The following TSTD2 variants were observed in gnomAD, a reference collection of about 807,000 sequenced individuals.
TSTD2 encodes thiosulfate sulfurtransferase/rhodanese-like domain-containing protein 2.
A neutral mutation model predicts 47.9 loss-of-function variants in TSTD2; 37 were observed. The ratio of observed to expected loss-of-function variants is 0.77; its 90% CI spans 0.59 to 1.02. The LOEUF is 1.02. TSTD2 is among the 50% of genes least tolerant of loss of function. TSTD2 has a pLI of 0.00. For missense variants in TSTD2, 586 were observed against 616.0 expected (o/e 0.95, Z 0.52); for synonymous variants, 201 against 215.9 (o/e 0.93, Z 0.61).
intron 2 of TSTD2, among the ~76,000 whole-genome samples, chr9:97,626,985 T>C (rs183577476): frequency 6.6e-6 from 1 of 152,318 alleles, no homozygotes. Flanking sequence ...GCTTAATCTA[T>C]TTGTTTATTT....
At chr9:97,606,074 G>A in intron 7 of TSTD2, 69 bp downstream of exon 7, 2 of 1,174,252 alleles carry the variant, frequency 1.7e-6, no homozygotes, top group Non-Finnish European at 2.5e-6. Flanking sequence ...GTCCCCTTGG[G>A]AAATATACCA....
intron 3 of TSTD2, among the ~76,000 whole-genome samples, chr9:97,624,292 C>T (rs978557615): frequency 5.9e-5 from 9 of 152,124 alleles, no homozygotes; most frequent in African/African-American, 1.9e-4. Context: ...ATATCACATG[C>T]CATGTCATGA....
At chr9:97,623,841 A>T (rs1222642084) in intron 3 of TSTD2, among the ~76,000 whole-genome samples, 1 of 151,936 alleles carries the variant, frequency 6.6e-6, no homozygotes, top group Non-Finnish European at 1.5e-5. Context: ...TGGGTGACAG[A>T]GTGAGACTCT....
At chr9:97,626,187 T>C (rs993684599) in intron 2 of TSTD2, among the ~76,000 whole-genome samples, 190 bp from the exon 3 acceptor site, 11 of 151,900 alleles carry the variant, frequency 7.2e-5, no homozygotes, top group African/African-American at 2.2e-4. Flanking sequence ...TTAGAGAAAT[T>C]AAAACTAGGC....
intron 5 of TSTD2, chr9:97,611,162 T>C (rs1286248571): frequency 1.9e-5 from 3 of 161,124 alleles, no homozygotes; most frequent in Admixed American, 1.1e-4. Context: ...AGGGGGCAGG[T>C]GCGGTATCTC....
Position 97,605,563 on chromosome 9 carries a change from G to C in TSTD2, c.1033C>G (p.Leu345Val). 6.2e-7 allele frequency: 1 copy of C among 1,614,216 alleles called. No homozygotes were observed. Among genetic ancestry groups the C allele is most frequent in the Non-Finnish European group, 8.5e-7 (1 of 1,180,042 alleles). ...ATCAGCACTCTCTTCTCTCTGAAAAGTTCTAGATTTTTGTCAACGTAGCTA... is the reference window on the plus strand; with the variant it reads ...ATCAGCACTCTCTTCTCTCTGAAAACTTCTAGATTTTTGTCAACGTAGCTA... ...FPSYVDKNLE[L>V]FREKRVLMYC... Residue 345 changes from leucine to valine, a missense_variant, in exon 8 of 10, where the codon CTT becomes GTT. Transcript: ENST00000341170.
chr9:97,607,870 G>C (rs1174843409), intron 6 of TSTD2, among the ~76,000 whole-genome samples: 2 of 152,020 alleles, frequency 1.3e-5, no homozygotes, highest in Non-Finnish European at 2.9e-5. Context: ...CTGGGCAACA[G>C]AGTGAGACTC....
intron 9 of TSTD2, among the ~76,000 whole-genome samples, chr9:97,603,491 T>A (rs566897671): frequency 1.6e-4 from 24 of 152,290 alleles, no homozygotes; most frequent in African/African-American, 5.8e-4. Flanking sequence ...TTATACTCCA[T>A]CTAGCTCCAA....
chr9:97,600,371 C>T lies in TSTD2; in HGVS notation c.*2098G>A. 1 of 985,998 alleles carries T rather than the reference C, an allele frequency of 1.0e-6. No individual in the cohort carries two copies. The highest frequency in any genetic ancestry group is 1.2e-6 in the Non-Finnish European group (1 of 830,172). 61.1% of individuals were successfully genotyped at this position (985,998 alleles called of 1,614,324 possible). ...GTTTCAAAAACCAACCTTTCATTACCAATCCCAGGCAACAAACATGTCCCT... is the reference window on the plus strand; with the variant it reads ...GTTTCAAAAACCAACCTTTCATTACTAATCCCAGGCAACAAACATGTCCCT... On this transcript the variant is annotated 3_prime_UTR_variant, in exon 10 of 10. Coordinates refer to ENST00000341170, the MANE Select transcript of TSTD2 (RefSeq NM_139246.5).
In TSTD2 at chr9:97,602,505, C is replaced by T. The variant is rs750889273; in HGVS notation, c.1515G>A (p.Gly505=). The stretch of plus-strand genomic sequence containing the variant: ...CTGGCCCATCCTCATCAGCATCAGG[C>T]CCTGGCTCTGGGCTCACAGGCTGTC... ...HVRQPVSPEP[G]PDADEDGPVL... The change falls in exon 10 of 10, where the codon GGG becomes GGA. Residue 505 remains glycine, a synonymous_variant. Transcript: ENST00000341170. 2 of 1,613,192 alleles carry T rather than the reference C, an allele frequency of 1.2e-6. No homozygotes were observed. Among genetic ancestry groups the T allele is most frequent in the East Asian group, 2.2e-5 (1 of 44,884 alleles).
Position 97,610,329 on chromosome 9 carries a change from T to C in TSTD2, c.835+17A>G, listed in dbSNP as rs774732151. On this transcript the variant is annotated intron_variant, in intron 6 of 9. Transcript: ENST00000341170. ...GTCCCTGTGAATTAAAGCACAATCT[T>C]CTAAAAGCAAGCATACCAGGCTTCT... 2 of 1,598,438 alleles carry C rather than the reference T, an allele frequency of 1.3e-6. No individual in the cohort carries two copies. The highest frequency in any genetic ancestry group is 1.3e-5 in the African/African-American group (1 of 74,206).
intron 2 of TSTD2, among the ~76,000 whole-genome samples, chr9:97,627,154 G>A (rs1225017733): frequency 1.3e-5 from 2 of 151,862 alleles, no homozygotes; most frequent in African/African-American, 2.4e-5. Context: ...TTTTGACCTG[G>A]GGGGTGGGGA....
chr9:97,611,469 T>G, intron 5 of TSTD2, 105 bp downstream of exon 5: 3 of 1,298,064 alleles, frequency 2.3e-6, no homozygotes, highest in Non-Finnish European at 2.1e-6. Context: ...GGAAAGGGTA[T>G]TTATTTGGCA....
chr9:97,609,303 ACTC>A (rs1826419085), intron 6 of TSTD2, among the ~76,000 whole-genome samples: 1 of 152,204 alleles, frequency 6.6e-6, no homozygotes, highest in African/African-American at 2.4e-5. Flanking sequence ...TATTAGCACT[ACTC>A]TAAATCTAAT....
In TSTD2 at chr9:97,602,276, A is replaced by T; in HGVS notation, c.*193T>A. The T allele has an allele frequency of 1.6e-6, 1 of 639,922 alleles. No individual in the cohort carries two copies. Among genetic ancestry groups the T allele is most frequent in the Non-Finnish European group, 2.6e-6 (1 of 383,336 alleles). 39.6% of individuals were successfully genotyped at this position (639,922 alleles called of 1,614,324 possible). A position where few individuals can be genotyped will look rare whatever the true frequency, so the allele number is the denominator to read the frequency against. ...TCTGTGCTCTAGCATCATCCAAATC[A>T]GAATGTCTCAGGTAAGTGGTAGACA... On this transcript the variant is annotated 3_prime_UTR_variant, in exon 10 of 10. Transcript: ENST00000341170.
chr9:97,611,610 T>A lies in TSTD2; in HGVS notation c.693A>T (p.Pro231=). The change falls in exon 5 of 10, where the codon CCA becomes CCT. Residue 231 remains proline (P), a synonymous_variant. Coordinates refer to ENST00000341170, the MANE Select transcript of TSTD2 (RefSeq NM_139246.5). Reference sequence around the variant, plus strand: ...CTTTACACAGGTCATCCTTAAACAATGGGAAGGAAAGCATGACTTCCACAT... The same window carrying A: ...CTTTACACAGGTCATCCTTAAACAAAGGGAAGGAAAGCATGACTTCCACAT... ...RLYVEVMLSF[P]LFKDDLCKDD... 1.2e-6 allele frequency: 2 copies of A among 1,609,404 alleles called. No homozygotes were observed. The highest frequency in any genetic ancestry group is 2.2e-5 in the South Asian group (2 of 90,950).
chr9:97,625,583 CT>C, intron 3 of TSTD2, 97 bp downstream of exon 3: 1 of 1,180,462 alleles, frequency 8.5e-7, no homozygotes, highest in Non-Finnish European at 1.2e-6. Context: ...CACAGTTGGT[CT>C]TTCTCACTTT....
Position 97,610,416 on chromosome 9 carries a change from C to G in TSTD2, c.765G>C (p.Leu255Phe). 1 of 1,589,130 alleles carries G rather than the reference C, an allele frequency of 6.3e-7. No individual in the cohort carries two copies. The highest frequency in any genetic ancestry group is 8.6e-7 in the Non-Finnish European group (1 of 1,169,558). The change falls in exon 6 of 10, where the codon TTG becomes TTC. Residue 255 changes from leucine (L) to phenylalanine (F), a missense_variant. By Grantham distance (22) the Leu-to-Phe change is conservative. Transcript: ENST00000341170. ...CGATTTCTTCAAATACACCAACACG[C>G]AATTCTGGAAAACAGTGAGCTCCTC... ...SKGGAHCFPE[L>F]RVGVFEEIVP...
chr9:97,601,112 C>T lies in TSTD2; in HGVS notation c.*1357G>A. On this transcript the variant is annotated 3_prime_UTR_variant, in exon 10 of 10. Coordinates refer to ENST00000341170, the MANE Select transcript of TSTD2 (RefSeq NM_139246.5). ...GGGCCTCAGCGCTATGGAAGAGTGT[C>T]CACTGAGGCTGCACATGGCCCAGGA... 1 of 1,304,316 alleles carries T rather than the reference C, an allele frequency of 7.7e-7. No homozygotes were observed. The highest frequency in any genetic ancestry group is 1.0e-6 in the Non-Finnish European group (1 of 988,950). 80.8% of individuals were successfully genotyped at this position (1,304,316 alleles called of 1,614,324 possible).
Sources: allele counts gnomAD v4.1 joint callset (sites outside exome capture counted in the v4.1 genomes callset), GRCh38; gene constraint gnomAD v4.1.1; transcripts MANE v1.5; gene names NCBI Gene and HGNC (gene_info 2026-07-23, HGNC 2026-07-21).